The following TMEM38B variants were observed in gnomAD, a reference collection of about 807,000 sequenced individuals.
The protein encoded by TMEM38B is trimeric intracellular cation channel type B.
In TMEM38B, 24 loss-of-function variants were observed where a neutral mutation model predicts 28.7. That is an observed-to-expected ratio of 0.84 (90% CI 0.61 to 1.18). TMEM38B has a LOEUF of 1.18. Ranked by LOEUF, TMEM38B falls within the 50% of genes most tolerant of loss-of-function variation. The pLI is 0.00. For missense variants in TMEM38B, 380 were observed against 350.9 expected (o/e 1.08, Z -0.66); for synonymous variants, 131 against 127.7 (o/e 1.03, Z -0.17).
intron 5 of TMEM38B, among the ~76,000 whole-genome samples, chr9:105,769,472 T>A (rs1826475867): frequency 6.6e-6 from 1 of 152,136 alleles, no homozygotes; most frequent in Non-Finnish European, 1.5e-5. Flanking sequence ...TGTGCCACCA[T>A]GCCTGGCTAA....
intron 4 of TMEM38B, among the ~76,000 whole-genome samples, chr9:105,728,773 G>A (rs897901012): frequency 6.6e-6 from 1 of 152,048 alleles, no homozygotes; most frequent in Non-Finnish European, 1.5e-5. Context: ...TCGCCCTTCT[G>A]ACTGGCGTGA....
intron 5 of TMEM38B, among the ~76,000 whole-genome samples, chr9:105,769,076 A>G (rs919304271): frequency 6.6e-6 from 1 of 152,224 alleles, no homozygotes; most frequent in Non-Finnish European, 1.5e-5. Context: ...TACTTACAAC[A>G]TATATCAGAG....
intron 5 of TMEM38B, chr9:105,759,416 G>A (rs1248261945): frequency 1.1e-5 from 17 of 1,551,614 alleles, no homozygotes; most frequent in East Asian, 4.5e-5. Context: ...CTACGGATAA[G>A]CAATCCAGGA....
At chr9:105,758,421 C>T in intron 5 of TMEM38B, 6 of 1,380,554 alleles carry the variant, frequency 4.3e-6, no homozygotes, top group Non-Finnish European at 6.2e-6. Flanking sequence ...TCTAAGAAAA[C>T]ACAGACAACA....
chr9:105,724,962 C>G (rs1836454365), intron 4 of TMEM38B, among the ~76,000 whole-genome samples: 1 of 152,052 alleles, frequency 6.6e-6, no homozygotes, highest in Non-Finnish European at 1.5e-5. Context: ...TCCAAATGTG[C>G]CTTTCCTCCT....
chr9:105,758,869 G>A, intron 5 of TMEM38B: 1 of 1,019,216 alleles, frequency 9.8e-7, no homozygotes, highest in Non-Finnish European at 1.6e-6. Context: ...AGAAAACTAA[G>A]CCAGGAAGAT....
chr9:105,752,160 AG>A (rs1034931060), intron 5 of TMEM38B, among the ~76,000 whole-genome samples: 10 of 152,000 alleles, frequency 6.6e-5, no homozygotes, highest in African/African-American at 2.4e-4. Context: ...CATTCCAGCC[AG>A]GGTTCTCCAT....
At chr9:105,768,224 A>C (rs933431325) in intron 5 of TMEM38B, among the ~76,000 whole-genome samples, 1 of 152,096 alleles carries the variant, frequency 6.6e-6, no homozygotes, top group African/African-American at 2.4e-5. Flanking sequence ...AATATAGTGG[A>C]TTACATTGAT....
At chr9:105,750,966 C>G (rs1023925184) in intron 5 of TMEM38B, among the ~76,000 whole-genome samples, 3 of 152,128 alleles carry the variant, frequency 2.0e-5, no homozygotes, top group Admixed American at 1.3e-4. Context: ...GGGTTTATTT[C>G]TAGATTCTCA....
At chr9:105,770,261 A>G (rs1826501763) in intron 5 of TMEM38B, among the ~76,000 whole-genome samples, 2 of 152,186 alleles carry the variant, frequency 1.3e-5, no homozygotes. Context: ...GAGATATGCT[A>G]ACTTGACTTT....
intron 5 of TMEM38B, chr9:105,758,544 C>T (rs1023454629): frequency 4.9e-6 from 6 of 1,235,204 alleles, no homozygotes; most frequent in Non-Finnish European, 7.2e-6. Context: ...ACAGACTATC[C>T]AACTGTTGAG....
At chr9:105,756,758 T>TTA (rs1491187890) in intron 5 of TMEM38B, among the ~76,000 whole-genome samples, 2 of 152,160 alleles carry the variant, frequency 1.3e-5, no homozygotes, top group South Asian at 2.1e-4. Flanking sequence ...TGAACATCTC[T>TTA]TATAATATTT....
chr9:105,760,199 G>C, intron 5 of TMEM38B: 2 of 908,302 alleles, frequency 2.2e-6, no homozygotes, highest in African/African-American at 1.6e-5. Context: ...TCCCAAATGA[G>C]TCAAAATGTT....
At chr9:105,747,787 C>T (rs918370063) in intron 4 of TMEM38B, among the ~76,000 whole-genome samples, 2 of 152,088 alleles carry the variant, frequency 1.3e-5, no homozygotes, top group African/African-American at 4.8e-5. Context: ...TCGTTGTTCT[C>T]GTTGGTTTCA....
chr9:105,729,025 T>C (rs2133587891), intron 4 of TMEM38B, among the ~76,000 whole-genome samples: 2 of 152,344 alleles, frequency 1.3e-5, no homozygotes, highest in East Asian at 3.9e-4. Flanking sequence ...TCCCGTTCTG[T>C]AGGTTGCCTG....
At chr9:105,719,815 C>G (rs1438592727) in intron 2 of TMEM38B, among the ~76,000 whole-genome samples, 7 of 152,104 alleles carry the variant, frequency 4.6e-5, no homozygotes, top group African/African-American at 1.2e-4. Flanking sequence ...TTATAACATT[C>G]TTTTGGTTGT....
intron 4 of TMEM38B, among the ~76,000 whole-genome samples, chr9:105,734,906 T>C (rs1486536131): frequency 6.6e-6 from 1 of 152,012 alleles, no homozygotes; most frequent in Non-Finnish European, 1.5e-5. Context: ...ATATATCTTT[T>C]TTAGGGCATT....
At chr9:105,758,285 A>G in intron 5 of TMEM38B, 4 of 691,940 alleles carry the variant, frequency 5.8e-6, no homozygotes, top group African/African-American at 1.8e-5. Flanking sequence ...CAGACGTTAA[A>G]TCCTTCTAAA....
intron 2 of TMEM38B, 131 bp downstream of exon 2, chr9:105,705,884 C>A: frequency 1.1e-6 from 1 of 926,752 alleles, no homozygotes; most frequent in Non-Finnish European, 1.6e-6. Context: ...AAGGAAGGAA[C>A]CCAAATAATG....
Sources: allele counts gnomAD v4.1 joint callset (sites outside exome capture counted in the v4.1 genomes callset), GRCh38; gene constraint gnomAD v4.1.1; transcripts MANE v1.5; gene names NCBI Gene and HGNC (gene_info 2026-07-23, HGNC 2026-07-21).